The following FAM53A variants were observed in gnomAD, a reference collection of about 807,000 sequenced individuals.
The protein encoded by FAM53A is family with sequence similarity 53 member A, also known as protein FAM53A.
A neutral mutation model predicts 26.6 loss-of-function variants in FAM53A; 28 were observed. That is an observed-to-expected ratio of 1.05 (90% confidence interval 0.78 to 1.45). FAM53A has a LOEUF of 1.45. FAM53A is among the 40% of genes most tolerant of loss of function. The pLI, the probability that FAM53A is intolerant of heterozygous loss-of-function variation, is 0.00. For synonymous variants in FAM53A, 290 were observed against 253.1 expected, an observed-to-expected ratio of 1.15 and a Z score of -1.38; for missense variants, 650 against 575.8, an observed-to-expected ratio of 1.13 and a Z score of -1.32.
chr4:1,607,251 G>A, the FAM53A span, among the ~76,000 whole-genome samples: 30,151 of 151,592 alleles, frequency 0.2, 3,512 homozygotes, highest in East Asian at 0.47. Flanking sequence ...ACTCTTGACC[G>A]CAAGTGATCC....
the FAM53A span, among the ~76,000 whole-genome samples, chr4:1,596,614 T>G: frequency 1.3e-5 from 2 of 152,298 alleles, no homozygotes; most frequent in South Asian, 4.1e-4. Flanking sequence ...AGGGACCAGA[T>G]GGAAGGGCAC....
chr4:1,635,645 A>G (rs755973955), downstream of FAM53A, among the ~76,000 whole-genome samples: 1 of 152,006 alleles, frequency 6.6e-6, no homozygotes, highest in Non-Finnish European at 1.5e-5. Flanking sequence ...ACCACTTGGG[A>G]TCTACTCCAC....
chr4:1,644,836 G>T (rs1712092438), intron 4 of FAM53A: 1 of 155,150 alleles, frequency 6.4e-6, no homozygotes. Flanking sequence ...CCGGAAGCCG[G>T]TGAGACCCTG....
At chr4:1,642,508 AC>A (rs1033655986) in intron 4 of FAM53A, among the ~76,000 whole-genome samples, 2 of 150,886 alleles carry the variant, frequency 1.3e-5, no homozygotes, top group Non-Finnish European at 2.9e-5. Context: ...CCCAGGCTGC[AC>A]CCCCCAACCA....
intron 2 of FAM53A, among the ~76,000 whole-genome samples, chr4:1,664,416 A>G (rs1051559813): frequency 6.6e-6 from 1 of 152,214 alleles, no homozygotes; most frequent in Non-Finnish European, 1.5e-5. Context: ...AGAACCTCAT[A>G]CATGAATGTA....
rs578052260 is a variant in FAM53A at position 1,659,470 on chromosome 4, G to A, written c.76-2002C>T. On this transcript the variant is annotated intron_variant, in intron 2 of 4. Transcript: ENST00000308132. This position sits in a 1 kb window ranked among gnomAD's most constrained non-coding sequence, Gnocchi z 5.2. ...TAGCAAGGAAAGGACTTTCCCAGCC[G>A]GCACAGATGGCTCTCACGGGCAGCT... Among the ~76,000 whole-genome samples the A allele has an allele frequency of 2.0e-5, 3 of 152,320 alleles. No individual in the cohort carries two copies. The highest frequency in any genetic ancestry group is 6.5e-5 in the Admixed American group (1 of 15,298).
At position 1,659,437 on chromosome 4, in the gene FAM53A, A is replaced by C. The variant is rs1406322503; in HGVS notation, c.76-1969T>G. Among the ~76,000 whole-genome samples the C allele has an allele frequency of 6.6e-6, 1 of 152,228 alleles. No homozygotes were observed. Among genetic ancestry groups the C allele is most frequent in the Non-Finnish European group, 1.5e-5 (1 of 68,044 alleles). On this transcript the variant is annotated intron_variant, in intron 2 of 4. Transcript: ENST00000308132. The surrounding 1 kb of genome is among the most constrained non-coding windows in gnomAD (Gnocchi z 5.2). ...GCACCCAGCTCGACGCTGCCACGGAAAAACGTCTAGCAAGGAAAGGACTTT... is the reference window on the plus strand; with the variant it reads ...GCACCCAGCTCGACGCTGCCACGGACAAACGTCTAGCAAGGAAAGGACTTT...
intron 4 of FAM53A, among the ~76,000 whole-genome samples, chr4:1,645,374 AG>A (rs1712148573): frequency 6.6e-6 from 1 of 152,214 alleles, no homozygotes; most frequent in African/African-American, 2.4e-5. Context: ...CCAACCCTGC[AG>A]AAGAGAGGGT....
the FAM53A span, among the ~76,000 whole-genome samples, chr4:1,609,053 ACCAAGCCCAGCGGTGCTGCAGACC>A: frequency 1.3e-5 from 2 of 152,092 alleles, no homozygotes; most frequent in South Asian, 4.2e-4. Flanking sequence ...CACGTCAGGA[ACCAAGCCCAGCGGTGCTGCAGACC>A]CCAAGCCCTG....
downstream of FAM53A, among the ~76,000 whole-genome samples, chr4:1,614,150 C>T (rs1023538990): frequency 1.3e-5 from 2 of 152,164 alleles, no homozygotes; most frequent in South Asian, 2.1e-4. Context: ...GCACAGCCAC[C>T]GCCGGCAAGG....
At chr4:1,652,356 TCACA>T (rs1208550586) in intron 4 of FAM53A, among the ~76,000 whole-genome samples, 1 of 106,374 alleles carries the variant, frequency 9.4e-6, no homozygotes, top group Non-Finnish European at 1.9e-5. Flanking sequence ...ACACCACACG[TCACA>T]CGCACAACAC....
the FAM53A span, among the ~76,000 whole-genome samples, chr4:1,612,601 AATG>A: frequency 9.2e-5 from 14 of 152,194 alleles, no homozygotes; most frequent in Non-Finnish European, 1.6e-4. Context: ...CAGGTGCATA[AATG>A]ATACCTGCAC....
chr4:1,633,075 C>T (rs1480028633), intron 1 of FAM53A, among the ~76,000 whole-genome samples: 8 of 152,106 alleles, frequency 5.3e-5, no homozygotes, highest in Admixed American at 6.5e-5. Flanking sequence ...CATAGGTACA[C>T]GCTCATGTGC....
the FAM53A span, among the ~76,000 whole-genome samples, chr4:1,579,042 C>G: frequency 8.0e-5 from 12 of 150,796 alleles, 1 homozygote; most frequent in Non-Finnish European, 1.3e-4. Flanking sequence ...GGCGCTCCCC[C>G]CATTGCACCG....
rs1468415150 is a variant in FAM53A, at chr4:1,677,947, AAAAT to A, written c.-165+6282_-165+6285del. ...GTGACAGAGTGAGACTCCATCTCAA[AAAAT>A]AAATAAATAAAGTTTATACAGAGAG... is the stretch of plus-strand genomic sequence containing the variant. On this transcript the variant is annotated intron_variant, in intron 1 of 4. Coordinates refer to ENST00000308132, the MANE Select transcript of FAM53A (RefSeq NM_001174070.3). Among the ~76,000 whole-genome samples the A allele has an allele frequency of 5.3e-5, 8 of 152,160 alleles. 1 individual carries two copies. The South Asian group carries it at 6.2e-4, about 12-fold the overall frequency.
chr4:1,655,819 G>A lies in FAM53A; in HGVS notation c.137-96C>T, dbSNP rs1483114543. ...CAAACAGCCTGGCAGAGCTGTCAAG[G>A]GCACAACCCCATCGCCGCCACCCCT... On this transcript the variant is annotated intron_variant, in intron 3 of 4. Coordinates refer to ENST00000308132, the MANE Select transcript of FAM53A (RefSeq NM_001174070.3). The A allele has an allele frequency of 5.1e-6, 7 of 1,376,706 alleles. No homozygotes were observed. In the Admixed American group the frequency reaches 2.1e-4, roughly 42 times the overall value. The allele number at this position is 1,376,706 out of a possible 1,614,324, so 85.3% of individuals were successfully genotyped here.
intron 3 of FAM53A, among the ~76,000 whole-genome samples, chr4:1,656,100 C>T (rs1205374006): frequency 6.6e-6 from 1 of 152,220 alleles, no homozygotes; most frequent in Non-Finnish European, 1.5e-5. Flanking sequence ...TGTGCGGCTA[C>T]CCCGGCCAGG....
chr4:1,654,896 CAG>C, intron 4 of FAM53A, 80 bp downstream of exon 4: 1 of 1,443,620 alleles, frequency 6.9e-7, no homozygotes. Context: ...CAGCCACATC[CAG>C]AGAATCAGCC....
chr4:1,590,955 CAT>C, the FAM53A span, among the ~76,000 whole-genome samples: 10,605 of 45,990 alleles, frequency 0.23, 1,282 homozygotes, highest in Non-Finnish European at 0.34. Context: ...TTATTTAATG[CAT>C]ATATATATAT....
Sources: allele counts gnomAD v4.1 joint callset (sites outside exome capture counted in the v4.1 genomes callset), GRCh38; gene constraint gnomAD v4.1.1; non-coding constraint Gnocchi (gnomAD v3.1); transcripts MANE v1.5; gene names NCBI Gene and HGNC (gene_info 2026-07-23, HGNC 2026-07-21).